PDHX: variants seen among roughly 807,000 people sequenced by gnomAD.
The protein encoded by PDHX is pyruvate dehydrogenase protein X component, mitochondrial.
In PDHX, 33 loss-of-function variants were observed where a neutral mutation model predicts 55.3. The observed-to-expected ratio is 0.60, with a 90% CI of 0.45 to 0.80. PDHX has a LOEUF of 0.80. Ranked by LOEUF, PDHX falls within the 30% of genes least tolerant of loss-of-function variation. The probability of loss-of-function intolerance (pLI) is 0.00; values close to 1 mark genes in which losing one functional copy is unlikely to be tolerated. For synonymous variants in PDHX, 226 were observed against 219.4 expected, an observed-to-expected ratio of 1.03 and a Z score of -0.27; for missense variants, 622 against 619.9, an observed-to-expected ratio of 1.00 and a Z score of -0.04.
chr11:34,991,378 A>T (rs1022019759), intron 9 of PDHX, among the ~76,000 whole-genome samples: 21 of 152,328 alleles, frequency 1.4e-4, no homozygotes, highest in Middle Eastern at 3.4e-3. Context: ...GAAATAACCA[A>T]GTAAATTAGG....
intron 9 of PDHX, among the ~76,000 whole-genome samples, chr11:34,989,343 C>A (rs1055594584): frequency 6.6e-6 from 1 of 152,072 alleles, no homozygotes; most frequent in African/African-American, 2.4e-5. Context: ...GAAGTATCCC[C>A]TGCAGATAAG....
intron 8 of PDHX, among the ~76,000 whole-genome samples, chr11:34,982,471 A>T (rs1015948805): frequency 6.6e-6 from 1 of 152,220 alleles, no homozygotes; most frequent in Admixed American, 6.5e-5. Context: ...CAAAAAATCC[A>T]TGAATCCGGG....
chr11:34,995,112 G>T lies in PDHX; in HGVS notation c.1446G>T (p.Leu482=), dbSNP rs1243749587. 5 of 1,613,982 alleles carry T rather than the reference G, an allele frequency of 3.1e-6. No individual in the cohort carries two copies. The highest frequency in any genetic ancestry group is 4.2e-6 in the Non-Finnish European group (5 of 1,179,886). Reference sequence around the variant, plus strand: ...ACAGTCGAGTGGTTGATGACGAACTGGCAACCAGGTTTCTTAAAAGTTTTA... The same window carrying T: ...ACAGTCGAGTGGTTGATGACGAACTTGCAACCAGGTTTCTTAAAAGTTTTA... ...SSDSRVVDDE[L]ATRFLKSFKA... The change falls in exon 11 of 11, where the codon CTG becomes CTT. Residue 482 remains leucine (L), a synonymous_variant. Transcript: ENST00000227868.
intron 2 of PDHX, among the ~76,000 whole-genome samples, chr11:34,936,907 G>T (rs1485255591): frequency 6.8e-6 from 1 of 147,738 alleles, no homozygotes; most frequent in Non-Finnish European, 1.5e-5. Context: ...TTGTGCCTCA[G>T]CCTCCCAAGT....
At chr11:34,967,929 A>G (rs1283980124) in intron 6 of PDHX, among the ~76,000 whole-genome samples, 1 of 152,194 alleles carries the variant, frequency 6.6e-6, no homozygotes, top group African/African-American at 2.4e-5. Flanking sequence ...TATATAATGT[A>G]TATGGACTAT....
At chr11:34,925,820 A>G (rs955202139) in intron 1 of PDHX, among the ~76,000 whole-genome samples, 1 of 152,224 alleles carries the variant, frequency 6.6e-6, no homozygotes, top group African/African-American at 2.4e-5. Flanking sequence ...GGTGATGCTC[A>G]AAGGAATGTT....
intron 1 of PDHX, among the ~76,000 whole-genome samples, chr11:34,925,911 C>G (rs1854008165): frequency 6.6e-6 from 1 of 152,124 alleles, no homozygotes; most frequent in South Asian, 2.1e-4. Context: ...ATTCCAAAAT[C>G]TGAAAAAATC....
Position 34,969,337 on chromosome 11 carries a change from GT to G in PDHX, c.817-794del, listed in dbSNP as rs1025550595. 1.3e-3 allele frequency among the ~76,000 whole-genome samples: 197 copies of G among 149,394 alleles called. No individual in the cohort carries two copies. The Middle Eastern group carries it at 0.014, about 11-fold the overall frequency. ...TTTATTGGCTGTTTTATTTCAGGTG[GT>G]TTTTTTTCTTTTTTTTTTTTTTCCC... On this transcript the variant is annotated intron_variant, in intron 6 of 10. Transcript: ENST00000227868.
chr11:34,952,217 G>A (rs149282461), intron 3 of PDHX, among the ~76,000 whole-genome samples: 1 of 151,908 alleles, frequency 6.6e-6, no homozygotes, highest in Non-Finnish European at 1.5e-5. Flanking sequence ...CAACCAAAAA[G>A]AGTCCAGGAC....
At chr11:34,963,452 A>G (rs1855062826) in intron 5 of PDHX, among the ~76,000 whole-genome samples, 1 of 152,058 alleles carries the variant, frequency 6.6e-6, no homozygotes, top group Admixed American at 6.6e-5. Flanking sequence ...AAATTTTTAA[A>G]ACAGTTTTGT....
chr11:34,951,468 G>T (rs1337256471), intron 3 of PDHX, among the ~76,000 whole-genome samples: 5 of 152,062 alleles, frequency 3.3e-5, no homozygotes, highest in African/African-American at 4.8e-5. Context: ...ATTTTTTCAT[G>T]TGTCTTTTGG....
At chr11:34,966,911 G>A in intron 6 of PDHX, 97 bp downstream of exon 6, 1 of 1,080,440 alleles carries the variant, frequency 9.3e-7, no homozygotes, top group Non-Finnish European at 1.4e-6. Context: ...GAGTGCAATG[G>A]CACAATCTTG....
chr11:34,983,611 T>G (rs3932539), intron 8 of PDHX, among the ~76,000 whole-genome samples: 97,633 of 147,588 alleles, frequency 0.66, 32,995 homozygotes, highest in East Asian at 0.75. Context: ...AAAATCACAA[T>G]CATTCTTATA....
rs1491574898 is a variant in PDHX at position 34,939,504 on chromosome 11, T to TGTGCGC, written c.242-8001_242-8000insTGCGCG. 7.5e-4 allele frequency among the ~76,000 whole-genome samples: 111 copies of TGTGCGC among 148,512 alleles called. 1 individual carries two copies. Among genetic ancestry groups the TGTGCGC allele is most frequent in the African/African-American group, 2.7e-3 (106 of 39,272 alleles). On this transcript the variant is annotated intron_variant, in intron 2 of 10. Transcript: ENST00000227868. ...GTGTGTGTGTGTGTGTGTGTGTGTG[T>TGTGCGC]GCACTTGCATGCGCGCAGCGTTTTA...
intron 1 of PDHX, among the ~76,000 whole-genome samples, chr11:34,924,319 G>A (rs1185890957): frequency 6.6e-6 from 1 of 152,148 alleles, no homozygotes; most frequent in African/African-American, 2.4e-5. Flanking sequence ...TCGGCTCACT[G>A]CAACCTCTGC....
chr11:34,956,205 CAT>C (rs35258745), intron 3 of PDHX, among the ~76,000 whole-genome samples: 90,494 of 151,026 alleles, frequency 0.6, 28,571 homozygotes, highest in East Asian at 0.75. Context: ...ATACTAATTT[CAT>C]ATATATATAT....
At chr11:34,972,235 T>A (rs1855272257) in intron 7 of PDHX, among the ~76,000 whole-genome samples, 1 of 152,158 alleles carries the variant, frequency 6.6e-6, no homozygotes, top group East Asian at 1.9e-4. Flanking sequence ...GTTCTTTATT[T>A]TTTTTTTCTC....
At chr11:34,954,448 C>T (rs1854858767) in intron 3 of PDHX, among the ~76,000 whole-genome samples, 1 of 152,178 alleles carries the variant, frequency 6.6e-6, no homozygotes, top group Non-Finnish European at 1.5e-5. Flanking sequence ...GTCTCTGGTA[C>T]AGAAGCCTCA....
intron 5 of PDHX, 109 bp from the exon 6 acceptor site, chr11:34,966,531 A>C (rs1855133971): frequency 8.0e-6 from 8 of 1,001,396 alleles, no homozygotes; most frequent in Non-Finnish European, 1.3e-5. Context: ...TATAACCTTG[A>C]CATCTGTATA....
Sources: allele counts gnomAD v4.1 joint callset (sites outside exome capture counted in the v4.1 genomes callset), GRCh38; gene constraint gnomAD v4.1.1; transcripts MANE v1.5; gene names NCBI Gene and HGNC (gene_info 2026-07-23, HGNC 2026-07-21).